Variants in NRXN3 observed in about 807,000 individuals in gnomAD.
NRXN3 encodes neurexin III.
Under a neutral mutation model 137.6 loss-of-function variants are expected in NRXN3, and 32 were observed. The ratio of observed to expected loss-of-function variants is 0.23; its 90% CI spans 0.18 to 0.31. The LOEUF (loss-of-function observed/expected upper bound fraction) is 0.31. Among genes scored for constraint, NRXN3 ranks in the 10% least tolerant of loss-of-function variants. The probability of loss-of-function intolerance (pLI) is 1.00; values close to 1 mark genes in which losing one functional copy is unlikely to be tolerated. For missense variants in NRXN3, 1,574 were observed against 2,062.5 expected (o/e 0.76, Z 4.59); for synonymous variants, 798 against 784.5 (o/e 1.02, Z -0.29).
At chr14:78,237,721 G>C (rs2066504235) in intron 1 of NRXN3, among the ~76,000 whole-genome samples, 1 of 152,188 alleles carries the variant, frequency 6.6e-6, no homozygotes, top group African/African-American at 2.4e-5. Flanking sequence ...GGATTGGGAT[G>C]AACCTCACCT....
chr14:78,305,137 C>T (rs1267400760), intron 4 of NRXN3, among the ~76,000 whole-genome samples: 1 of 152,122 alleles, frequency 6.6e-6, no homozygotes, highest in Non-Finnish European at 1.5e-5. Flanking sequence ...CCTTCCTACC[C>T]TTGGCACTAC....
intron 15 of NRXN3, among the ~76,000 whole-genome samples, chr14:79,437,758 G>C (rs1475499950): frequency 6.6e-6 from 1 of 152,198 alleles, no homozygotes. Context: ...CCCCTGAGCT[G>C]AAAGTTGGGA....
intron 15 of NRXN3, among the ~76,000 whole-genome samples, chr14:79,347,490 C>G (rs980194004): frequency 1.3e-5 from 2 of 149,656 alleles, no homozygotes; most frequent in Non-Finnish European, 3.0e-5. Flanking sequence ...GGCGTGATCT[C>G]GGCTCACTAC....
At chr14:79,470,433 T>C (rs1448342779) in intron 16 of NRXN3, among the ~76,000 whole-genome samples, 1 of 152,096 alleles carries the variant, frequency 6.6e-6, no homozygotes, top group African/African-American at 2.4e-5. Context: ...AGGAACCCCA[T>C]GTTTTCACAT....
At chr14:78,532,136 C>G (rs1307039659) in intron 4 of NRXN3, among the ~76,000 whole-genome samples, 1 of 119,352 alleles carries the variant, frequency 8.4e-6, no homozygotes, top group African/African-American at 3.1e-5. Context: ...GAAACCCCAT[C>G]TTTACTAAAA....
intron 4 of NRXN3, among the ~76,000 whole-genome samples, chr14:78,624,717 G>A (rs2097438336): frequency 1.3e-5 from 2 of 152,198 alleles, no homozygotes; most frequent in African/African-American, 4.8e-5. Context: ...CCTCGCCTGG[G>A]TCTGAGGTGA....
At chr14:79,064,897 A>G (rs1329008015) in intron 15 of NRXN3, among the ~76,000 whole-genome samples, 1 of 150,490 alleles carries the variant, frequency 6.6e-6, no homozygotes, top group Non-Finnish European at 1.5e-5. Flanking sequence ...ACTTTCCTTT[A>G]GTTCTTTTCT....
chr14:79,043,656 G>T (rs543344359), intron 15 of NRXN3, among the ~76,000 whole-genome samples: 6 of 152,142 alleles, frequency 3.9e-5, no homozygotes, highest in Non-Finnish European at 7.4e-5. Context: ...CAGGTCTTGG[G>T]TAGGCTGCCA....
intron 4 of NRXN3, among the ~76,000 whole-genome samples, chr14:78,591,405 A>T (rs894254297): frequency 6.6e-6 from 1 of 152,082 alleles, no homozygotes; most frequent in East Asian, 1.9e-4. Context: ...GGGGCTGTGG[A>T]CCACATTTTG....
intron 15 of NRXN3, among the ~76,000 whole-genome samples, chr14:79,021,894 C>G (rs746287308): frequency 6.6e-6 from 1 of 152,098 alleles, no homozygotes; most frequent in Non-Finnish European, 1.5e-5. Flanking sequence ...AGTGCCAGCC[C>G]AAGTTGTGGC....
chr14:79,141,907 T>C (rs927298472), intron 15 of NRXN3, among the ~76,000 whole-genome samples: 21 of 152,226 alleles, frequency 1.4e-4, no homozygotes, highest in Admixed American at 1.4e-3. Flanking sequence ...TATGAAAATG[T>C]CATAAACAAA....
chr14:78,264,019 T>C (rs1411194050), intron 2 of NRXN3, among the ~76,000 whole-genome samples: 3 of 151,946 alleles, frequency 2.0e-5, no homozygotes, highest in Non-Finnish European at 2.9e-5. Flanking sequence ...CCTTTCCTAA[T>C]AGTTTCTCAG....
At chr14:78,896,835 G>A (rs2099177095) in intron 10 of NRXN3, among the ~76,000 whole-genome samples, 1 of 151,852 alleles carries the variant, frequency 6.6e-6, no homozygotes, top group Non-Finnish European at 1.5e-5. Context: ...GCATTCAGAG[G>A]GAATGGAGAT....
intron 15 of NRXN3, among the ~76,000 whole-genome samples, chr14:79,047,347 A>G (rs190179853): frequency 6.6e-6 from 1 of 152,264 alleles, no homozygotes; most frequent in Admixed American, 6.5e-5. Context: ...CTAGGAGAAA[A>G]CATGGGAAAA....
At chr14:78,495,834 A>G (rs906510337) in intron 4 of NRXN3, among the ~76,000 whole-genome samples, 2 of 152,310 alleles carry the variant, frequency 1.3e-5, no homozygotes, top group Non-Finnish European at 2.9e-5. Flanking sequence ...TGCTGCCCCC[A>G]TCAGTCTGAA....
At chr14:78,729,125 T>C (rs1410506983) in intron 8 of NRXN3, among the ~76,000 whole-genome samples, 2 of 152,254 alleles carry the variant, frequency 1.3e-5, no homozygotes, top group African/African-American at 4.8e-5. Context: ...GGAGTATTAT[T>C]ATTCTTCTCT....
chr14:78,623,810 C>A lies in NRXN3; in HGVS notation c.758-21310C>A, dbSNP rs186647727. ...CTAAAACTCCTGACCTCAGGTGATC[C>A]GCCCACCTTGGCCTCCCAAAATGTT... is the stretch of plus-strand genomic sequence containing the variant. On this transcript the variant is annotated intron_variant, in intron 4 of 20. Coordinates refer to ENST00000335750, the MANE Select transcript of NRXN3 (RefSeq NM_001330195.2). Among the ~76,000 whole-genome samples the A allele has an allele frequency of 2.0e-5, 3 of 152,112 alleles. No homozygotes were observed. The South Asian group carries it at 6.2e-4, about 32-fold the overall frequency.
At chr14:79,005,137 G>A (rs1299559377) in intron 15 of NRXN3, among the ~76,000 whole-genome samples, 1 of 152,160 alleles carries the variant, frequency 6.6e-6, no homozygotes, top group Admixed American at 6.5e-5. Flanking sequence ...AATCTCAAAT[G>A]TTTCACTAGC....
chr14:79,158,993 T>TG (rs1378070525), intron 15 of NRXN3, among the ~76,000 whole-genome samples: 2 of 151,952 alleles, frequency 1.3e-5, no homozygotes, highest in African/African-American at 4.8e-5. Flanking sequence ...ACTGTTGTAG[T>TG]GGATGAGGAC....
Sources: allele counts gnomAD v4.1 joint callset (sites outside exome capture counted in the v4.1 genomes callset), GRCh38; gene constraint gnomAD v4.1.1; transcripts MANE v1.5; gene names NCBI Gene and HGNC (gene_info 2026-07-23, HGNC 2026-07-21).